The following KRT32 variants were observed in gnomAD, a reference collection of about 807,000 sequenced individuals.
The protein encoded by KRT32 is keratin 32, also known as keratin, type I cuticular Ha2.
Under a neutral mutation model 41.8 loss-of-function variants are expected in KRT32, and 44 were observed. That is an observed-to-expected ratio of 1.05 (90% CI 0.83 to 1.35). KRT32 has a LOEUF of 1.35. KRT32 is among the 40% of genes most tolerant of loss of function. The pLI is 0.00. For synonymous variants in KRT32, 238 were observed against 242.5 expected, an observed-to-expected ratio of 0.98 and a Z score of 0.17; for missense variants, 576 against 584.6, an observed-to-expected ratio of 0.99 and a Z score of 0.15.
intron 3 of KRT32, among the ~76,000 whole-genome samples, chr17:41,465,336 C>T (rs912242229): frequency 6.6e-6 from 1 of 152,110 alleles, no homozygotes; most frequent in Non-Finnish European, 1.5e-5. Context: ...CAGAGATGGA[C>T]AGGCCATTCA....
chr17:41,464,044 C>T (rs2019036751), intron 5 of KRT32, 34 bp downstream of exon 5: 2 of 1,537,120 alleles, frequency 1.3e-6, no homozygotes, highest in South Asian at 2.6e-5. Context: ...CGCCTAGGAT[C>T]CGGAGGGATG....
At position 41,466,768 on chromosome 17, in the gene KRT32, A is replaced by G. The variant is rs554688596; in HGVS notation, c.468+90T>C. ...AGGGAAGTCTCTTTGTCCTGAACAT[A>G]GCTTAATAAGCTAACGAGATTCCAA... On this transcript the variant is annotated intron_variant, in intron 1 of 6. Coordinates refer to ENST00000225899, the MANE Select transcript of KRT32 (RefSeq NM_002278.3). 162 of 945,158 alleles carry G rather than the reference A, an allele frequency of 1.7e-4. No homozygotes were observed. The African/African-American group carries it at 2.5e-3, about 14-fold the overall frequency. 58.5% of individuals were successfully genotyped at this position (945,158 alleles called of 1,614,324 possible).
chr17:41,466,998 A>G lies in KRT32; in HGVS notation c.328T>C (p.Tyr110His). The G allele has an allele frequency of 6.2e-7, 1 of 1,614,252 alleles. No individual in the cohort carries two copies. The highest frequency in any genetic ancestry group is 8.5e-7 in the Non-Finnish European group (1 of 1,180,042). Residue 110 changes from tyrosine to histidine, a missense_variant, in exon 1 of 7, where the codon TAC (tyrosine) becomes CAC (histidine). Coordinates refer to ENST00000225899, the MANE Select transcript of KRT32 (RefSeq NM_002278.3). The stretch of plus-strand genomic sequence containing the variant: ...TCCAGCTGCCGCACCCTCGTCAGGT[A>G]GCTGGCCAGGCGGTCGTTAAGGAAC... ...MQFLNDRLAS[Y>H]LTRVRQLEQE...
At chr17:41,460,332 C>A (rs2018989863) in intron 6 of KRT32, 93 bp from the exon 7 acceptor site, 1 of 1,448,486 alleles carries the variant, frequency 6.9e-7, no homozygotes, top group South Asian at 1.2e-5. Flanking sequence ...CCTCTCAACC[C>A]CATCTTCCGT....
rs2019042025 is a variant in KRT32 at position 41,464,286 on chromosome 17, A to G, written c.866T>C (p.Met289Thr). ...TCCCCACCGTGAGAGGCCCACCTGCATATTGAACCATTCCTCCACGTCCCT... is the reference window on the plus strand; with the variant it reads ...TCCCCACCGTGAGAGGCCCACCTGCGTATTGAACCATTCCTCCACGTCCCT... ...NRRDVEEWFN[M>T]QMEELNQQVA... The change falls in exon 4 of 7, where the codon ATG (methionine) becomes ACG (threonine). Residue 289 changes from methionine (M) to threonine (T), a missense_variant. Coordinates refer to ENST00000225899, the MANE Select transcript of KRT32 (RefSeq NM_002278.3). 6 of 1,597,850 alleles carry G rather than the reference A, an allele frequency of 3.8e-6. No homozygotes were observed. The highest frequency in any genetic ancestry group is 5.1e-6 in the Non-Finnish European group (6 of 1,172,030).
chr17:41,464,559 C>A, intron 3 of KRT32, 116 bp from the exon 4 acceptor site: 1 of 959,470 alleles, frequency 1.0e-6, no homozygotes. Flanking sequence ...CATTAGATGG[C>A]CCCTAAGGAC....
chr17:41,465,787 T>G lies in KRT32; in HGVS notation c.694A>C (p.Lys232Gln). 1.9e-6 allele frequency: 3 copies of G among 1,611,456 alleles called. No individual in the cohort carries two copies. The highest frequency in any genetic ancestry group is 2.5e-6 in the Non-Finnish European group (3 of 1,178,812). Residue 232 changes from lysine (K) to glutamine (Q), a missense_variant, in exon 3 of 7, where the codon AAG (lysine) becomes CAG (glutamine). Transcript: ENST00000225899. Reference protein sequence around the residue: ...SLKEELMCLKKNHEEEVGSLR... With the variant: ...SLKEELMCLKQNHEEEVGSLR... ...TCCAGCCTCACCTCCTCATGGTTCT[T>G]TTTGAGGCACATCAGCTCCTCCTTC...
intron 5 of KRT32, 77 bp downstream of exon 5, chr17:41,464,001 T>A: frequency 7.4e-7 from 1 of 1,345,560 alleles, no homozygotes; most frequent in Non-Finnish European, 9.7e-7. Context: ...CTCCTCTTCC[T>A]CTTTCCTGGG....
chr17:41,460,176 G>T lies in KRT32; in HGVS notation c.1281C>A (p.Pro427=), dbSNP rs769232056. 6.2e-7 allele frequency: 1 copy of T among 1,613,174 alleles called. No individual in the cohort carries two copies. Among genetic ancestry groups the T allele is most frequent in the Non-Finnish European group, 8.5e-7 (1 of 1,179,524 alleles). Residue 427 remains proline (P), a synonymous_variant, in exon 7 of 7, where the codon CCC becomes CCA. Coordinates refer to ENST00000225899, the MANE Select transcript of KRT32 (RefSeq NM_002278.3). ...CAGTGCGTGGCACACAGACGGTGCG[G>T]GGCACGCATGGGGAGGGCACACAGG... ...CTTCVPSPCV[P]RTVCVPRTVG...
At position 41,464,149 on chromosome 17, in the gene KRT32, G is replaced by A. The variant is rs1361360350; in HGVS notation, c.925C>T (p.Gln309Ter). 2 of 1,613,122 alleles carry A rather than the reference G, an allele frequency of 1.2e-6. No individual in the cohort carries two copies. Among genetic ancestry groups the A allele is most frequent in the Non-Finnish European group, 1.7e-6 (2 of 1,179,372 alleles). ...ATSSEQLQNY[Q>*]SDIIDLRRTV... ...CGTCTCAGGTCAATGATGTCTGACTGGTAGTTCTGAAGCTGCTCAGAGCTT... is the reference window on the plus strand; with the variant it reads ...CGTCTCAGGTCAATGATGTCTGACTAGTAGTTCTGAAGCTGCTCAGAGCTT... Residue 309 changes from glutamine to a stop codon, truncating the protein, a stop_gained, in exon 5 of 7, where the codon CAG becomes TAG. Coordinates refer to ENST00000225899, the MANE Select transcript of KRT32 (RefSeq NM_002278.3). LOFTEE classifies it high-confidence loss of function.
intron 5 of KRT32, 46 bp from the exon 6 acceptor site, chr17:41,463,096 A>C: frequency 1.3e-6 from 2 of 1,551,702 alleles, no homozygotes; most frequent in East Asian, 4.5e-5. Flanking sequence ...GCTGTTTACC[A>C]TGGCCTGCTT....
chr17:41,467,283 G>C lies in KRT32; in HGVS notation c.43C>G (p.Leu15Val). Residue 15 changes from leucine (L) to valine (V), a missense_variant, in exon 1 of 7, where the codon CTC becomes GTC. Transcript: ENST00000225899. Reference sequence around the variant, plus strand: ...GAGGCAGGCCGGGGGCAGCTCTTGAGAGAGGCTTGCAAGTTGTTGGTGACA... The same window carrying C: ...GAGGCAGGCCGGGGGCAGCTCTTGACAGAGGCTTGCAAGTTGTTGGTGACA... ...CCVTNNLQAS[L>V]KSCPRPASVC... is the part of the protein sequence containing the mutation. The C allele has an allele frequency of 6.2e-7, 1 of 1,612,972 alleles. No individual in the cohort carries two copies. Among genetic ancestry groups the C allele is most frequent in the Non-Finnish European group, 8.5e-7 (1 of 1,179,750 alleles).
At chr17:41,462,605 C>T (rs779219132) in intron 6 of KRT32, among the ~76,000 whole-genome samples, 4 of 152,208 alleles carry the variant, frequency 2.6e-5, no homozygotes, top group Non-Finnish European at 1.5e-5. Flanking sequence ...TTAGAAGGAG[C>T]TTGCCAGCTT....
Position 41,465,941 on chromosome 17 carries a change from C to G in KRT32, c.552-12G>C. 6.2e-7 allele frequency: 1 copy of G among 1,609,666 alleles called. No homozygotes were observed. Among genetic ancestry groups the G allele is most frequent in the African/African-American group, 1.3e-5 (1 of 74,948 alleles). ...GCTCTGCCTCGTACCTGCACAAGGA[C>G]AGGGTCAGCAACCAAGGGTGAAACA... On this transcript the variant is annotated splice_polypyrimidine_tract_variant and intron_variant, in intron 2 of 6. Coordinates refer to ENST00000225899, the MANE Select transcript of KRT32 (RefSeq NM_002278.3).
Position 41,460,032 on chromosome 17 carries a change from G to A in KRT32, c.*78C>T. 2.8e-6 allele frequency: 4 copies of A among 1,447,980 alleles called. No homozygotes were observed. The highest frequency in any genetic ancestry group is 2.8e-6 in the Non-Finnish European group (3 of 1,088,016). The allele number at this position is 1,447,980 out of a possible 1,614,324, so 89.7% of individuals were successfully genotyped here. ...GGGTCTTCCTTGCTGACCGGGGCTG[G>A]CCCTGCTCTTCTGGTGGCCACTGAA... On this transcript the variant is annotated 3_prime_UTR_variant, in exon 7 of 7. Transcript: ENST00000225899.
chr17:41,460,289 G>A (rs578227192), intron 6 of KRT32, 50 bp from the exon 7 acceptor site: 48 of 1,549,268 alleles, frequency 3.1e-5, no homozygotes, highest in African/African-American at 1.9e-4. Flanking sequence ...AGGCCCACTC[G>A]GCCACAGGTC....
In KRT32 at chr17:41,464,348, C is replaced by A; in HGVS notation, c.804G>T (p.Met268Ile). Reference sequence around the variant, plus strand: ...CCACCATGGCCTCGTACTGACACCGCATCTCCTCCAGCACCCTGGTCAGGT... The same window carrying A: ...CCACCATGGCCTCGTACTGACACCGAATCTCCTCCAGCACCCTGGTCAGGT... Reference protein sequence around the residue: ...PVDLTRVLEEMRCQYEAMVEA... With the variant: ...PVDLTRVLEEIRCQYEAMVEA... Residue 268 changes from methionine to isoleucine, a missense_variant, in exon 4 of 7, where the codon ATG becomes ATT. Met to Ile is a conservative substitution (Grantham distance 10). Transcript: ENST00000225899. 1 of 1,612,716 alleles carries A rather than the reference C, an allele frequency of 6.2e-7. No individual in the cohort carries two copies. Among genetic ancestry groups the A allele is most frequent in the East Asian group, 2.2e-5 (1 of 44,824 alleles).
chr17:41,466,744 G>A (rs778793326), intron 1 of KRT32, 114 bp downstream of exon 1: 11 of 727,952 alleles, frequency 1.5e-5, no homozygotes, highest in Non-Finnish European at 2.5e-5. Flanking sequence ...CTATGCCCTA[G>A]GGAAGTCTCT....
intron 6 of KRT32, among the ~76,000 whole-genome samples, chr17:41,461,331 A>G (rs879569482): frequency 2.6e-5 from 4 of 152,216 alleles, no homozygotes; most frequent in Non-Finnish European, 5.9e-5. Context: ...AAATGAATGA[A>G]GAATTAATAC....
Sources: gnomAD v4.1 joint callset for allele counts (sites outside exome capture counted in the v4.1 genomes callset) on GRCh38, gnomAD v4.1.1 for gene constraint, MANE v1.5 for transcripts, NCBI Gene and HGNC (gene_info 2026-07-23, HGNC 2026-07-21) for gene names.